DLG2: variants seen among roughly 807,000 people sequenced by gnomAD.
DLG2 encodes the protein discs large MAGUK scaffold protein 2.
DLG2 carries 45 observed loss-of-function variants against 132.5 expected under a neutral mutation model. That is an observed-to-expected ratio of 0.34 (90% CI 0.27 to 0.44). The LOEUF (loss-of-function observed/expected upper bound fraction) is 0.44, where lower values mean the gene tolerates loss of function less well. Among genes scored for constraint, DLG2 ranks in the 20% least tolerant of loss-of-function variants. DLG2 has a pLI of 1.00. For synonymous variants in DLG2, 424 were observed against 419.6 expected, an observed-to-expected ratio of 1.01 and a Z score of -0.13; for missense variants, 1,045 against 1,196.9, an observed-to-expected ratio of 0.87 and a Z score of 1.87.
intron 4 of DLG2, among the ~76,000 whole-genome samples, chr11:85,165,766 T>C (rs933087461): frequency 3.3e-5 from 5 of 152,200 alleles, no homozygotes; most frequent in Non-Finnish European, 7.3e-5. Flanking sequence ...TAACATGCAA[T>C]AGGCCAAACA....
At chr11:84,605,806 C>G (rs574441546) in intron 6 of DLG2, among the ~76,000 whole-genome samples, 1 of 151,966 alleles carries the variant, frequency 6.6e-6, no homozygotes. Context: ...CTCCTAAGTT[C>G]TCTTCAAATA....
chr11:84,600,151 A>AAAGAAGGAAAGAAGGAAAGAAG (rs1555082703), intron 6 of DLG2, among the ~76,000 whole-genome samples: 5 of 110,004 alleles, frequency 4.5e-5, no homozygotes, highest in Non-Finnish European at 7.5e-5. Flanking sequence ...AAGGAAAGAA[A>AAAGAAGGAAAGAAGGAAAGAAG]GAAAGAAGGA....
At chr11:85,148,345 G>C (rs2076998232) in intron 5 of DLG2, among the ~76,000 whole-genome samples, 1 of 152,184 alleles carries the variant, frequency 6.6e-6, no homozygotes, top group Non-Finnish European at 1.5e-5. Flanking sequence ...TTCCACAACA[G>C]TTGAACTAAT....
chr11:83,757,337 A>G (rs2093690721), intron 18 of DLG2, among the ~76,000 whole-genome samples: 1 of 152,196 alleles, frequency 6.6e-6, no homozygotes, highest in African/African-American at 2.4e-5. Context: ...AACAATTTAA[A>G]TTGGGTTCTA....
intron 7 of DLG2, among the ~76,000 whole-genome samples, chr11:84,427,425 C>G (rs1342422149): frequency 6.6e-6 from 1 of 152,090 alleles, no homozygotes; most frequent in Non-Finnish European, 1.5e-5. Context: ...GGTCACCCAA[C>G]CAGTCTTGAA....
rs542476924 is a variant in DLG2, at chr11:84,243,017, C to CTCTCTCTCTCTCTCTA, written c.573+8220_573+8221insTAGAGAGAGAGAGAGA. 1.9e-3 allele frequency among the ~76,000 whole-genome samples: 267 copies of CTCTCTCTCTCTCTCTA among 142,184 alleles called. 3 individuals carry two copies. Among genetic ancestry groups the CTCTCTCTCTCTCTCTA allele is most frequent in the South Asian group, 5.3e-3 (23 of 4,342 alleles). 93.3% of individuals were successfully genotyped at this position (142,184 alleles called of 152,430 possible). A position where few individuals can be genotyped will look rare whatever the true frequency, so the allele number is the denominator to read the frequency against. ...GTTCTCTCTCTCTCTCTCTCTCTCT[C>CTCTCTCTCTCTCTCTA]TATATATATATATATATATATACAC... is the stretch of plus-strand genomic sequence containing the variant. On this transcript the variant is annotated intron_variant, in intron 8 of 27. Transcript: ENST00000376104.
chr11:84,935,762 G>A (rs2048670322), intron 6 of DLG2, among the ~76,000 whole-genome samples: 1 of 152,156 alleles, frequency 6.6e-6, no homozygotes, highest in African/African-American at 2.4e-5. Context: ...CACTAATGCT[G>A]AGATTAGAAA....
chr11:85,442,656 G>GT (rs1230386026), intron 3 of DLG2, among the ~76,000 whole-genome samples: 1 of 151,950 alleles, frequency 6.6e-6, no homozygotes. Flanking sequence ...GAGGTCAGGA[G>GT]TTTGATACCA....
At chr11:84,946,154 G>T (rs922870414) in intron 6 of DLG2, among the ~76,000 whole-genome samples, 1 of 152,154 alleles carries the variant, frequency 6.6e-6, no homozygotes, top group African/African-American at 2.4e-5. Context: ...TTTCATCCAG[G>T]AACCAAAGTC....
intron 4 of DLG2, among the ~76,000 whole-genome samples, chr11:85,280,972 C>G (rs748882401): frequency 2.6e-5 from 4 of 152,002 alleles, no homozygotes; most frequent in African/African-American, 9.6e-5. Flanking sequence ...CTCCTGTCAT[C>G]TTATGATATC....
intron 17 of DLG2, among the ~76,000 whole-genome samples, chr11:83,808,000 G>T (rs887105077): frequency 1.4e-4 from 21 of 152,128 alleles, no homozygotes; most frequent in African/African-American, 5.1e-4. Context: ...ATGTTGCTAT[G>T]TGCTTCCAAA....
intron 7 of DLG2, among the ~76,000 whole-genome samples, chr11:84,359,513 T>C (rs1043419243): frequency 1.3e-5 from 2 of 152,028 alleles, no homozygotes; most frequent in Non-Finnish European, 2.9e-5. Context: ...AATTATTGTC[T>C]AGGGTGTCTG....
intron 7 of DLG2, among the ~76,000 whole-genome samples, chr11:84,359,463 G>A (rs866586610): frequency 1.4e-4 from 22 of 151,746 alleles, no homozygotes; most frequent in Admixed American, 1.3e-3. Context: ...TACATTTCCC[G>A]AAATATTTGC....
intron 6 of DLG2, among the ~76,000 whole-genome samples, chr11:84,619,863 A>G (rs1455796342): frequency 6.6e-6 from 1 of 151,728 alleles, no homozygotes; most frequent in Non-Finnish European, 1.5e-5. Flanking sequence ...ATTCAGTATC[A>G]TAAGAAATCA....
At chr11:83,485,119 T>TAA (rs74511308) in intron 21 of DLG2, among the ~76,000 whole-genome samples, 5 of 152,088 alleles carry the variant, frequency 3.3e-5, no homozygotes, top group Non-Finnish European at 4.4e-5. Flanking sequence ...TCTGATCAGG[T>TAA]AAAAAAAGTA....
chr11:85,380,409 A>G (rs1377888407), intron 3 of DLG2, among the ~76,000 whole-genome samples: 1 of 152,230 alleles, frequency 6.6e-6, no homozygotes, highest in Non-Finnish European at 1.5e-5. Flanking sequence ...CTGTAATTCC[A>G]GCACTTTGGG....
intron 9 of DLG2, among the ~76,000 whole-genome samples, chr11:84,142,995 T>C (rs2094920537): frequency 6.6e-6 from 1 of 152,156 alleles, no homozygotes; most frequent in African/African-American, 2.4e-5. Context: ...AGTGAGTCTC[T>C]GTCCTTGGAA....
intron 18 of DLG2, among the ~76,000 whole-genome samples, chr11:83,654,314 C>G (rs767470086): frequency 2.0e-5 from 3 of 152,186 alleles, no homozygotes. Context: ...CCAATTTGAT[C>G]TGCCCTCTGC....
chr11:84,477,613 C>T (rs143538852), intron 7 of DLG2, among the ~76,000 whole-genome samples: 205 of 152,248 alleles, frequency 1.3e-3, no homozygotes, highest in African/African-American at 3.6e-3. Flanking sequence ...AAAATCTCCA[C>T]GGATTAGAGT....
Sources: gnomAD v4.1 joint callset for allele counts (sites outside exome capture counted in the v4.1 genomes callset) on GRCh38, gnomAD v4.1.1 for gene constraint, MANE v1.5 for transcripts, NCBI Gene and HGNC (gene_info 2026-07-23, HGNC 2026-07-21) for gene names.